Variants in MACROD2 observed in about 807,000 individuals in gnomAD.
The protein encoded by MACROD2 is mono-ADP ribosylhydrolase 2.
A neutral mutation model predicts 70.4 loss-of-function variants in MACROD2; 36 were observed. The ratio of observed to expected loss-of-function variants is 0.51; its 90% confidence interval spans 0.39 to 0.68. MACROD2 has a LOEUF of 0.68. Among genes scored for constraint, MACROD2 ranks in the 30% least tolerant of loss-of-function variants. The probability of loss-of-function intolerance (pLI) is 0.00; values close to 1 mark genes in which losing one functional copy is unlikely to be tolerated. For synonymous variants in MACROD2, 172 were observed against 178.8 expected, an observed-to-expected ratio of 0.96 and a Z score of 0.30; for missense variants, 496 against 538.4, an observed-to-expected ratio of 0.92 and a Z score of 0.78.
At chr20:15,808,307 C>T (rs2063787726) in intron 8 of MACROD2, among the ~76,000 whole-genome samples, 1 of 152,124 alleles carries the variant, frequency 6.6e-6, no homozygotes, top group African/African-American at 2.4e-5. Context: ...AGAAACTGAA[C>T]TTCTTACTTG....
chr20:15,053,002 C>T (rs1384437463), intron 5 of MACROD2, among the ~76,000 whole-genome samples: 3 of 152,194 alleles, frequency 2.0e-5, no homozygotes, highest in Non-Finnish European at 2.9e-5. Flanking sequence ...TTTCCTTAAA[C>T]CAAACCCTAA....
chr20:14,707,281 C>G (rs1228154491), intron 5 of MACROD2, among the ~76,000 whole-genome samples: 2 of 152,082 alleles, frequency 1.3e-5, no homozygotes, highest in African/African-American at 4.8e-5. Context: ...TGGAGGCGAC[C>G]CATAGCAGCG....
chr20:15,162,505 A>G (rs940673448), intron 5 of MACROD2, among the ~76,000 whole-genome samples: 2 of 152,116 alleles, frequency 1.3e-5, no homozygotes, highest in African/African-American at 4.8e-5. Flanking sequence ...CTACAAATGG[A>G]AAATGAAAGT....
chr20:14,640,072 C>T (rs925373742), intron 4 of MACROD2, among the ~76,000 whole-genome samples: 3 of 152,068 alleles, frequency 2.0e-5, no homozygotes, highest in African/African-American at 4.8e-5. Flanking sequence ...GAATATTTTA[C>T]AGGCATACGA....
intron 3 of MACROD2, among the ~76,000 whole-genome samples, chr20:14,491,407 T>G (rs776288106): frequency 7.2e-5 from 11 of 152,232 alleles, no homozygotes; most frequent in Non-Finnish European, 1.5e-4. Flanking sequence ...ATTAAGATTC[T>G]ATTACATGGA....
chr20:15,138,814 A>T (rs539528172), intron 5 of MACROD2, among the ~76,000 whole-genome samples: 1 of 152,200 alleles, frequency 6.6e-6, no homozygotes, highest in Non-Finnish European at 1.5e-5. Flanking sequence ...ATTTCTTAAT[A>T]GAAAAAAGCT....
chr20:15,336,474 CTA>C (rs2078050080), intron 6 of MACROD2, among the ~76,000 whole-genome samples: 1 of 151,306 alleles, frequency 6.6e-6, no homozygotes, highest in Admixed American at 6.6e-5. Flanking sequence ...TAATTTTGTG[CTA>C]TCTCTTTGAC....
At chr20:15,379,865 C>T (rs879571506) in intron 6 of MACROD2, among the ~76,000 whole-genome samples, 2 of 152,154 alleles carry the variant, frequency 1.3e-5, no homozygotes, top group Admixed American at 6.6e-5. Flanking sequence ...AAGGGCATCC[C>T]ATGACACATA....
intron 5 of MACROD2, among the ~76,000 whole-genome samples, chr20:15,215,929 G>GA (rs2076806396): frequency 1.3e-5 from 2 of 151,988 alleles, no homozygotes; most frequent in African/African-American, 4.8e-5. Flanking sequence ...ATATTTGAGA[G>GA]AAAATCAAAG....
At position 15,287,994 on chromosome 20, in the gene MACROD2, T is replaced by C. The variant is rs187286240; in HGVS notation, c.540+57933T>C. 2.2e-4 allele frequency among the ~76,000 whole-genome samples: 33 copies of C among 152,318 alleles called. No homozygotes were observed. The East Asian group carries it at 4.4e-3, about 20-fold the overall frequency. On this transcript the variant is annotated intron_variant, in intron 6 of 17. Coordinates refer to ENST00000684519, the MANE Select transcript of MACROD2 (RefSeq NM_001351661.2). ...TATTTTCATTCCAGCCTGTTGTTAA[T>C]ATAGAGAGATAGTGATATAGGGCGG...
intron 12 of MACROD2, among the ~76,000 whole-genome samples, chr20:15,946,502 T>C (rs1568659721): frequency 1.3e-5 from 2 of 152,232 alleles, no homozygotes; most frequent in East Asian, 3.9e-4. Context: ...CCCCATAGAG[T>C]AGTAACTATC....
At chr20:15,807,948 A>C (rs893251104) in intron 8 of MACROD2, among the ~76,000 whole-genome samples, 4 of 152,150 alleles carry the variant, frequency 2.6e-5, no homozygotes, top group African/African-American at 7.2e-5. Flanking sequence ...CCTTGTAGTT[A>C]AAGATCGACC....
intron 5 of MACROD2, among the ~76,000 whole-genome samples, chr20:15,158,092 T>C (rs2076321944): frequency 6.6e-6 from 1 of 152,166 alleles, no homozygotes; most frequent in African/African-American, 2.4e-5. Context: ...ATGGAGGTGT[T>C]TTATCACTTT....
Position 15,499,402 on chromosome 20 carries a change from C to CT in MACROD2, c.572-363dup, listed in dbSNP as rs376444278. Among the ~76,000 whole-genome samples, 586 of 151,482 alleles carry CT rather than the reference C, an allele frequency of 3.9e-3. 3 individuals carry two copies. The highest frequency in any genetic ancestry group is 6.9e-3 in the Non-Finnish European group (465 of 67,810). ...GCATGTTTTCTCTGAGACACATGTA[C>CT]TTTTTTTTTAAGCTGAGGATAATAA... On this transcript the variant is annotated intron_variant, in intron 7 of 17. Transcript: ENST00000684519.
intron 8 of MACROD2, among the ~76,000 whole-genome samples, chr20:15,576,428 A>C (rs939525059): frequency 6.6e-6 from 1 of 152,176 alleles, no homozygotes; most frequent in African/African-American, 2.4e-5. Context: ...CCATCATGCT[A>C]AAGTCATTTC....
chr20:15,538,599 G>A (rs1330817979), intron 8 of MACROD2, among the ~76,000 whole-genome samples: 7 of 152,132 alleles, frequency 4.6e-5, no homozygotes, highest in Admixed American at 4.6e-4. Context: ...TCTTCCAGGG[G>A]AATTCAAATG....
At chr20:14,453,487 C>T (rs954128062) in intron 3 of MACROD2, among the ~76,000 whole-genome samples, 3 of 152,068 alleles carry the variant, frequency 2.0e-5, no homozygotes, top group Non-Finnish European at 4.4e-5. Context: ...CTGTTGTAAT[C>T]TGTCTTTGCA....
chr20:15,554,060 C>A (rs1163688784), intron 8 of MACROD2, among the ~76,000 whole-genome samples: 2 of 152,152 alleles, frequency 1.3e-5, no homozygotes, highest in African/African-American at 2.4e-5. Context: ...ATGCTGTAAT[C>A]CACATGAGAA....
chr20:15,385,546 C>T (rs112343025), intron 6 of MACROD2, among the ~76,000 whole-genome samples: 233 of 152,256 alleles, frequency 1.5e-3, no homozygotes, highest in Non-Finnish European at 2.4e-3. Flanking sequence ...TATTTCCCTA[C>T]GTGTTCTTGA....
Sources: allele counts gnomAD v4.1 joint callset (sites outside exome capture counted in the v4.1 genomes callset), GRCh38; gene constraint gnomAD v4.1.1; transcripts MANE v1.5; gene names NCBI Gene and HGNC (gene_info 2026-07-23, HGNC 2026-07-21).